Variants in CEP63 observed in about 807,000 individuals in gnomAD.
CEP63 encodes the protein centrosomal protein 63.
In CEP63, 84 loss-of-function variants were observed where a neutral mutation model predicts 89.1. That is an observed-to-expected ratio of 0.94 (90% CI 0.79 to 1.13). CEP63 has a LOEUF of 1.13. CEP63 is among the 50% of genes most tolerant of loss of function. CEP63 has a pLI of 0.00. For synonymous variants in CEP63, 267 were observed against 272.5 expected (o/e 0.98, Z 0.20); for missense variants, 838 against 813.3 (o/e 1.03, Z -0.37).
At chr3:134,490,209 G>A (rs1304898831) in intron 1 of CEP63, among the ~76,000 whole-genome samples, 2 of 151,896 alleles carry the variant, frequency 1.3e-5, no homozygotes, top group East Asian at 3.9e-4. Flanking sequence ...TGCAAAATTC[G>A]CATTGTTTCC....
the CEP63 span, chr3:134,608,186 G>T: frequency 8.6e-7 from 1 of 1,168,814 alleles, no homozygotes; most frequent in Non-Finnish European, 1.1e-6. Flanking sequence ...GCAGGAGTTG[G>T]GGAAGAGAAC....
At chr3:134,768,330 C>G in the CEP63 span, among the ~76,000 whole-genome samples, 1 of 152,180 alleles carries the variant, frequency 6.6e-6, no homozygotes, top group South Asian at 2.1e-4. Context: ...CAGCCAGCCC[C>G]GAATTTTTCA....
At chr3:134,528,618 C>T (rs1029383240) in intron 3 of CEP63, among the ~76,000 whole-genome samples, 4 of 146,390 alleles carry the variant, frequency 2.7e-5, no homozygotes, top group African/African-American at 1.0e-4. Flanking sequence ...TGCCTTTTCT[C>T]TTGGTTGTGG....
chr3:134,651,410 T>C, the CEP63 span: 1 of 1,085,760 alleles, frequency 9.2e-7, no homozygotes, highest in Non-Finnish European at 1.1e-6. Context: ...GAGAAGCCCC[T>C]GGCAAATACA....
At chr3:134,542,464 T>A (rs1279011963) in intron 6 of CEP63, among the ~76,000 whole-genome samples, 2 of 152,184 alleles carry the variant, frequency 1.3e-5, no homozygotes, top group Non-Finnish European at 2.9e-5. Flanking sequence ...GGCTGCTCTC[T>A]AGTGGAAATG....
chr3:134,610,791 A>G, the CEP63 span: 1 of 161,856 alleles, frequency 6.2e-6, no homozygotes, highest in African/African-American at 2.4e-5. Flanking sequence ...CCTGCAACAA[A>G]ACCTACATGT....
At chr3:134,751,030 A>G in the CEP63 span, among the ~76,000 whole-genome samples, 1 of 152,238 alleles carries the variant, frequency 6.6e-6, no homozygotes, top group Admixed American at 6.5e-5. Flanking sequence ...CGTTTCACCC[A>G]TTAACTGTCT....
At chr3:134,708,476 G>A in the CEP63 span, among the ~76,000 whole-genome samples, 2 of 152,336 alleles carry the variant, frequency 1.3e-5, no homozygotes, top group East Asian at 3.9e-4. Context: ...CTCCAGGCTT[G>A]GAGTGGCCCT....
chr3:134,666,675 A>G, the CEP63 span, among the ~76,000 whole-genome samples: 3 of 152,280 alleles, frequency 2.0e-5, no homozygotes, highest in South Asian at 6.2e-4. Context: ...CTCGGAGGTC[A>G]TGACTCAGTC....
intron 5 of CEP63, chr3:134,536,268 G>T (rs1950761104): frequency 6.6e-6 from 1 of 152,230 alleles, no homozygotes; most frequent in African/African-American, 2.4e-5. Context: ...GTTTTTGTTT[G>T]TTTTGTTAAG....
At chr3:134,571,666 G>A (rs560659976) in intron 11 of CEP63, among the ~76,000 whole-genome samples, 2 of 152,242 alleles carry the variant, frequency 1.3e-5, no homozygotes, top group African/African-American at 2.4e-5. Context: ...GGGCAACAGA[G>A]CGAGACTCTG....
the CEP63 span, chr3:134,607,470 T>G: frequency 2.0e-6 from 2 of 985,734 alleles, no homozygotes; most frequent in Non-Finnish European, 2.4e-6. Flanking sequence ...CCTCCTGTCC[T>G]GGGCGGATGG....
intron 1 of CEP63, among the ~76,000 whole-genome samples, chr3:134,489,724 A>G (rs541494251): frequency 1.5e-4 from 23 of 152,300 alleles, no homozygotes; most frequent in African/African-American, 4.8e-4. Flanking sequence ...TACAATTTGT[A>G]CAGGAAAGGC....
the CEP63 span, among the ~76,000 whole-genome samples, chr3:134,611,868 G>A: frequency 2.6e-5 from 4 of 152,226 alleles, no homozygotes; most frequent in Non-Finnish European, 5.9e-5. Flanking sequence ...TATAGGAATT[G>A]GGGGAATCTT....
the CEP63 span, chr3:134,604,510 C>T: frequency 6.5e-7 from 1 of 1,544,196 alleles, no homozygotes; most frequent in Non-Finnish European, 8.8e-7. Context: ...AGAGATGGGT[C>T]CAGCACGTGC....
downstream of CEP63, among the ~76,000 whole-genome samples, chr3:134,588,068 C>T (rs1046769862): frequency 1.5e-4 from 23 of 152,054 alleles, no homozygotes; most frequent in African/African-American, 5.1e-4. Context: ...CCAATGTGGG[C>T]GATCATTTGA....
At chr3:134,692,494 A>C in the CEP63 span, among the ~76,000 whole-genome samples, 13,574 of 152,158 alleles carry the variant, frequency 0.089, 1,211 homozygotes, top group African/African-American at 0.24. Context: ...GAAGGCAGCT[A>C]GATTCTTATA....
chr3:134,556,585 T>G (rs1488657287), intron 12 of CEP63, among the ~76,000 whole-genome samples: 1 of 152,160 alleles, frequency 6.6e-6, no homozygotes, highest in Non-Finnish European at 1.5e-5. Context: ...GGCTTAGGAT[T>G]CAGCAGTACT....
the CEP63 span, among the ~76,000 whole-genome samples, chr3:134,750,313 C>T: frequency 2.6e-5 from 4 of 152,166 alleles, no homozygotes; most frequent in Admixed American, 6.5e-5. Flanking sequence ...TAGTATATGA[C>T]CCAGCCCCTG....
Sources: allele counts gnomAD v4.1 joint callset (sites outside exome capture counted in the v4.1 genomes callset), GRCh38; gene constraint gnomAD v4.1.1; transcripts MANE v1.5; gene names NCBI Gene and HGNC (gene_info 2026-07-23, HGNC 2026-07-21).